ARHGAP10: variants seen among roughly 807,000 people sequenced by gnomAD.
The protein encoded by ARHGAP10 is rho GTPase-activating protein 10.
ARHGAP10 carries 87 observed loss-of-function variants against 108.6 expected under a neutral mutation model. That is an observed-to-expected ratio of 0.80 (90% CI 0.67 to 0.96). ARHGAP10 has a LOEUF of 0.96. ARHGAP10 is among the 40% of genes least tolerant of loss of function. The pLI, the probability that ARHGAP10 is intolerant of heterozygous loss-of-function variation, is 0.00. For missense variants in ARHGAP10, 939 were observed against 954.5 expected, an observed-to-expected ratio of 0.98 and a Z score of 0.21; for synonymous variants, 347 against 341.1, an observed-to-expected ratio of 1.02 and a Z score of -0.19.
At chr4:147,931,291 C>A (rs1465156370) in intron 13 of ARHGAP10, among the ~76,000 whole-genome samples, 2 of 142,328 alleles carry the variant, frequency 1.4e-5, no homozygotes, top group African/African-American at 5.3e-5. Flanking sequence ...CAGAACGAAT[C>A]TCAATCTAAT....
intron 5 of ARHGAP10, chr4:147,864,045 G>A (rs1257780314): frequency 6.6e-6 from 1 of 152,164 alleles, no homozygotes; most frequent in Non-Finnish European, 1.5e-5. Flanking sequence ...CCTCTCTGGA[G>A]AAATGCCCAG....
intron 12 of ARHGAP10, among the ~76,000 whole-genome samples, chr4:147,911,594 C>T (rs182796765): frequency 2.6e-5 from 4 of 151,916 alleles, no homozygotes; most frequent in Non-Finnish European, 5.9e-5. Flanking sequence ...GATCTCCTGA[C>T]TTCGTGATCC....
In ARHGAP10 at chr4:147,864,799, A is replaced by G. The variant is rs765383979; in HGVS notation, c.487-47A>G. 8.3e-6 allele frequency: 13 copies of G among 1,557,404 alleles called. No homozygotes were observed. The Admixed American group carries it at 1.9e-4, about 23-fold the overall frequency. ...GTGATGACCTCTGATGTAGCGTTTC[A>G]CTTTTCACCATCTCCAGTTTGACTA... On this transcript the variant is annotated intron_variant, in intron 5 of 22. Coordinates refer to ENST00000336498, the MANE Select transcript of ARHGAP10 (RefSeq NM_024605.4).
At chr4:148,065,411 A>G (rs1003914259) in intron 22 of ARHGAP10, 1 of 152,222 alleles carries the variant, frequency 6.6e-6, no homozygotes, top group East Asian at 1.9e-4. Context: ...AGATTTCTAT[A>G]TGCGTGTGAT....
chr4:147,876,547 C>G (rs889815697), intron 8 of ARHGAP10, among the ~76,000 whole-genome samples: 2 of 152,032 alleles, frequency 1.3e-5, no homozygotes, highest in Admixed American at 1.3e-4. Flanking sequence ...GAGCCAAGAT[C>G]GCGCCACTGC....
intron 1 of ARHGAP10, among the ~76,000 whole-genome samples, chr4:147,733,353 G>A (rs1464936409): frequency 6.7e-6 from 1 of 148,992 alleles, no homozygotes; most frequent in Non-Finnish European, 1.5e-5. Flanking sequence ...CCCCAGTGAG[G>A]AGCTGGGCAG....
At chr4:147,816,356 C>G (rs1355808851) in intron 1 of ARHGAP10, among the ~76,000 whole-genome samples, 1 of 152,198 alleles carries the variant, frequency 6.6e-6, no homozygotes, top group Non-Finnish European at 1.5e-5. Context: ...GCCTTGAGCT[C>G]TGTGCTCCAG....
chr4:148,001,152 C>T (rs1294354922), intron 18 of ARHGAP10, among the ~76,000 whole-genome samples: 2 of 152,234 alleles, frequency 1.3e-5, no homozygotes, highest in Non-Finnish European at 2.9e-5. Flanking sequence ...GTTTTCCCAG[C>T]ACCTTTTATT....
At chr4:147,952,186 A>C (rs932125146) in intron 15 of ARHGAP10, among the ~76,000 whole-genome samples, 1 of 152,196 alleles carries the variant, frequency 6.6e-6, no homozygotes, top group Non-Finnish European at 1.5e-5. Context: ...CTTGCTTGTA[A>C]CTTTCGGCTG....
intron 1 of ARHGAP10, among the ~76,000 whole-genome samples, chr4:147,744,869 A>G (rs1728841837): frequency 6.6e-6 from 1 of 152,102 alleles, no homozygotes; most frequent in African/African-American, 2.4e-5. Flanking sequence ...GATTCTGGAG[A>G]CACACCATAT....
chr4:147,926,724 A>G (rs1014750069), intron 13 of ARHGAP10, among the ~76,000 whole-genome samples: 3 of 152,172 alleles, frequency 2.0e-5, no homozygotes, highest in Non-Finnish European at 4.4e-5. Flanking sequence ...TAATGGAGAC[A>G]TAAGACAGAG....
intron 14 of ARHGAP10, among the ~76,000 whole-genome samples, chr4:147,940,256 C>T (rs982365011): frequency 2.6e-5 from 4 of 152,166 alleles, no homozygotes; most frequent in South Asian, 2.1e-4. Flanking sequence ...ACCACTGGGA[C>T]TCGCTCATTT....
At chr4:147,993,918 A>G (rs1159990817) in intron 18 of ARHGAP10, among the ~76,000 whole-genome samples, 1 of 152,234 alleles carries the variant, frequency 6.6e-6, no homozygotes, top group Non-Finnish European at 1.5e-5. Context: ...AGTTCATGCA[A>G]ACCGTGAATC....
At chr4:148,016,178 G>C (rs1308563836) in intron 18 of ARHGAP10, among the ~76,000 whole-genome samples, 1 of 152,200 alleles carries the variant, frequency 6.6e-6, no homozygotes. Flanking sequence ...ATAAAGACCA[G>C]TGAACATGTT....
chr4:147,736,032 G>GA (rs1280297841), intron 1 of ARHGAP10, among the ~76,000 whole-genome samples: 3 of 152,074 alleles, frequency 2.0e-5, no homozygotes, highest in South Asian at 4.2e-4. Context: ...GTTCTTTAGA[G>GA]AAAATTTTTT....
intron 13 of ARHGAP10, among the ~76,000 whole-genome samples, chr4:147,931,125 G>GA (rs1018175370): frequency 6.6e-6 from 1 of 152,188 alleles, no homozygotes; most frequent in African/African-American, 2.4e-5. Flanking sequence ...GGTGATGTGA[G>GA]TAGTGCTCTA....
intron 10 of ARHGAP10, among the ~76,000 whole-genome samples, chr4:147,891,961 C>T (rs1393312309): frequency 6.6e-6 from 1 of 152,142 alleles, no homozygotes; most frequent in Non-Finnish European, 1.5e-5. Context: ...CTGTGACCCC[C>T]CCACACATTT....
intron 12 of ARHGAP10, among the ~76,000 whole-genome samples, chr4:147,911,317 C>T (rs1444792197): frequency 6.6e-6 from 1 of 152,012 alleles, no homozygotes; most frequent in African/African-American, 2.4e-5. Context: ...GTTACTGTTC[C>T]CTAGGTTCTA....
intron 3 of ARHGAP10, among the ~76,000 whole-genome samples, chr4:147,845,226 C>T (rs565491510): frequency 1.9e-3 from 295 of 152,330 alleles, no homozygotes; most frequent in Non-Finnish European, 3.4e-3. Flanking sequence ...GCACACATTT[C>T]TCCTTAGACC....
Sources: allele counts gnomAD v4.1 joint callset (sites outside exome capture counted in the v4.1 genomes callset), GRCh38; gene constraint gnomAD v4.1.1; transcripts MANE v1.5; gene names NCBI Gene and HGNC (gene_info 2026-07-23, HGNC 2026-07-21).